ZBTB20: variants seen among roughly 807,000 people sequenced by gnomAD.
ZBTB20 encodes zinc finger and BTB domain-containing protein 20.
ZBTB20 carries 9 observed loss-of-function variants against 56.9 expected under a neutral mutation model. The ratio of observed to expected loss-of-function variants is 0.16; its 90% confidence interval spans 0.10 to 0.28. ZBTB20 has a LOEUF of 0.28. Among genes scored for constraint, ZBTB20 ranks in the 10% least tolerant of loss-of-function variants. The probability of loss-of-function intolerance (pLI) is 1.00; values close to 1 mark genes in which losing one functional copy is unlikely to be tolerated. For missense variants in ZBTB20, 655 were observed against 1,003.0 expected (o/e 0.65, Z 4.69); for synonymous variants, 417 against 420.7 (o/e 0.99, Z 0.11).
intron 4 of ZBTB20, chr3:114,873,212 T>G (rs1177443278): frequency 6.6e-6 from 1 of 152,122 alleles, no homozygotes; most frequent in Non-Finnish European, 1.5e-5. Flanking sequence ...TTGTCTCTTT[T>G]ATGGTCAACT....
intron 4 of ZBTB20, among the ~76,000 whole-genome samples, chr3:114,808,283 T>G (rs1296388326): frequency 5.3e-5 from 8 of 152,030 alleles, no homozygotes. Context: ...CAATGACAAT[T>G]GAGGTCAACC....
At chr3:114,523,162 A>C (rs1251127862) in intron 6 of ZBTB20, among the ~76,000 whole-genome samples, 1 of 152,210 alleles carries the variant, frequency 6.6e-6, no homozygotes, top group Non-Finnish European at 1.5e-5. Flanking sequence ...CCAAGCGAAG[A>C]AAGTGTTTTA....
At chr3:114,420,956 C>T (rs547616408) in intron 7 of ZBTB20, among the ~76,000 whole-genome samples, 1 of 152,168 alleles carries the variant, frequency 6.6e-6, no homozygotes, top group Admixed American at 6.5e-5. Flanking sequence ...AAGAAAGTAG[C>T]CTAGCACAAA....
intron 2 of ZBTB20, among the ~76,000 whole-genome samples, chr3:115,060,087 C>T (rs2081962171): frequency 6.6e-6 from 1 of 152,128 alleles, no homozygotes. Context: ...TTTGGGCATA[C>T]CTATATTTTA....
chr3:114,380,169 A>T, intron 10 of ZBTB20, 48 bp downstream of exon 10: 1 of 1,463,866 alleles, frequency 6.8e-7, no homozygotes. Flanking sequence ...GGGTAGAAGC[A>T]CTACTCCAAG....
rs1175356847 is a variant in ZBTB20, at chr3:114,318,967, C to T, written c.*20038G>A. The T allele has an allele frequency of 6.6e-6, 1 of 151,942 alleles. No individual in the cohort carries two copies. Among genetic ancestry groups the T allele is most frequent in the Admixed American group, 6.6e-5 (1 of 15,258 alleles). The allele number at this position is 151,942 out of a possible 1,614,324, so 9.4% of individuals were successfully genotyped here. A position where few individuals can be genotyped will look rare whatever the true frequency, so the allele number is the denominator to read the frequency against. The stretch of plus-strand genomic sequence containing the variant: ...TTTTTTCTCTAAAAAAAGAATAAAA[C>T]AAGAACAATCCCTTTACTTACTCAT... On this transcript the variant is annotated 3_prime_UTR_variant, in exon 12 of 12. Transcript: ENST00000675478.
At chr3:114,380,670 CT>C (rs934708162) in intron 9 of ZBTB20, 106 bp downstream of exon 9, 4 of 1,413,400 alleles carry the variant, frequency 2.8e-6, no homozygotes, top group Non-Finnish European at 2.8e-6. Context: ...TGTCCCAGAA[CT>C]TTAGACAGCT....
intron 1 of ZBTB20, among the ~76,000 whole-genome samples, chr3:115,115,379 G>A (rs1576800698): frequency 6.6e-6 from 1 of 152,036 alleles, no homozygotes; most frequent in East Asian, 1.9e-4. Context: ...GTATTTTGCT[G>A]TTTAGCCACA....
intron 4 of ZBTB20, among the ~76,000 whole-genome samples, chr3:114,889,495 G>A (rs1439097521): frequency 2.0e-5 from 3 of 151,944 alleles, no homozygotes. Context: ...TCAATAAGAT[G>A]TGAATATAGA....
intron 2 of ZBTB20, among the ~76,000 whole-genome samples, chr3:115,059,986 T>C (rs900588679): frequency 2.0e-5 from 3 of 152,246 alleles, no homozygotes; most frequent in Non-Finnish European, 2.9e-5. Context: ...CTGAAAATTG[T>C]ATAGTAATTC....
chr3:114,663,843 C>T (rs939685790), intron 6 of ZBTB20, among the ~76,000 whole-genome samples: 7 of 150,992 alleles, frequency 4.6e-5, no homozygotes, highest in African/African-American at 1.7e-4. Context: ...AGCTAACTAT[C>T]CTAAATATAT....
At chr3:114,485,642 T>C (rs2042031329) in intron 7 of ZBTB20, among the ~76,000 whole-genome samples, 2 of 152,170 alleles carry the variant, frequency 1.3e-5, no homozygotes, top group African/African-American at 4.8e-5. Context: ...CATGTGATAG[T>C]ATTAAGAGGT....
At chr3:114,862,405 G>T (rs1576149494) in intron 4 of ZBTB20, among the ~76,000 whole-genome samples, 1 of 146,434 alleles carries the variant, frequency 6.8e-6, no homozygotes, top group African/African-American at 2.5e-5. Flanking sequence ...AATGGCATCT[G>T]TTTTTTTTTT....
intron 3 of ZBTB20, among the ~76,000 whole-genome samples, chr3:114,947,790 T>C (rs1022527867): frequency 1.4e-5 from 2 of 145,988 alleles, no homozygotes; most frequent in Non-Finnish European, 2.9e-5. Context: ...TTGTACACCA[T>C]AATTTTACAC....
At chr3:114,424,900 T>C (rs1358705955) in intron 7 of ZBTB20, among the ~76,000 whole-genome samples, 1 of 152,166 alleles carries the variant, frequency 6.6e-6, no homozygotes, top group Non-Finnish European at 1.5e-5. Flanking sequence ...TAGGACAGAG[T>C]GAAGGATTCT....
chr3:114,354,835 C>G (rs2081067671), intron 10 of ZBTB20, among the ~76,000 whole-genome samples: 1 of 152,164 alleles, frequency 6.6e-6, no homozygotes, highest in Non-Finnish European at 1.5e-5. Context: ...CCGCCTCGGC[C>G]TCCCAAAGTG....
At chr3:114,844,541 A>AAAAAC (rs1560313323) in intron 4 of ZBTB20, among the ~76,000 whole-genome samples, 4 of 140,488 alleles carry the variant, frequency 2.8e-5, no homozygotes, top group African/African-American at 1.1e-4. Context: ...AAAAAAAAAA[A>AAAAAC]AAAAAAAAAA....
chr3:114,455,263 C>A (rs1559811915), intron 7 of ZBTB20, among the ~76,000 whole-genome samples: 1 of 152,134 alleles, frequency 6.6e-6, no homozygotes, highest in Non-Finnish European at 1.5e-5. Flanking sequence ...TTTGAATGAT[C>A]TGTCAGCAGG....
intron 5 of ZBTB20, among the ~76,000 whole-genome samples, chr3:114,766,755 T>A (rs1003031545): frequency 6.6e-6 from 1 of 152,104 alleles, no homozygotes; most frequent in Non-Finnish European, 1.5e-5. Flanking sequence ...AGAAGAAAGA[T>A]CTACTTGACT....
Sources: gnomAD v4.1 joint callset for allele counts (sites outside exome capture counted in the v4.1 genomes callset) on GRCh38, gnomAD v4.1.1 for gene constraint, MANE v1.5 for transcripts, NCBI Gene and HGNC (gene_info 2026-07-23, HGNC 2026-07-21) for gene names.